The following ZNF804B variants were observed in gnomAD, a reference collection of about 807,000 sequenced individuals.
ZNF804B encodes zinc finger protein 804B, also known as zinc finger 804B.
A neutral mutation model predicts 101.4 loss-of-function variants in ZNF804B; 80 were observed. The ratio of observed to expected loss-of-function variants is 0.79; its 90% confidence interval spans 0.66 to 0.95. The LOEUF (loss-of-function observed/expected upper bound fraction) is 0.95, where lower values mean the gene tolerates loss of function less well. ZNF804B is among the 40% of genes least tolerant of loss of function. The pLI is 0.00. For synonymous variants in ZNF804B, 622 were observed against 558.8 expected, an observed-to-expected ratio of 1.11 and a Z score of -1.59; for missense variants, 1,673 against 1,561.9, an observed-to-expected ratio of 1.07 and a Z score of -1.20.
At chr7:89,129,316 A>G (rs1223798650) in intron 1 of ZNF804B, among the ~76,000 whole-genome samples, 1 of 152,084 alleles carries the variant, frequency 6.6e-6, no homozygotes, top group East Asian at 1.9e-4. Context: ...ATATATCATC[A>G]TATTTCCCTT....
In ZNF804B at chr7:88,998,299, G is replaced by C. The variant is rs181918551; in HGVS notation, c.109-219856G>C. 4.6e-5 allele frequency among the ~76,000 whole-genome samples: 7 copies of C among 152,152 alleles called. No individual in the cohort carries two copies. The East Asian group carries it at 1.4e-3, about 29-fold the overall frequency. Reference sequence around the variant, plus strand: ...ACTTTAAGGGAAGATATCTTAAACTGAGAGGGTTTGGAATAAAGTGGGGAA... The same window carrying C: ...ACTTTAAGGGAAGATATCTTAAACTCAGAGGGTTTGGAATAAAGTGGGGAA... On this transcript the variant is annotated intron_variant, in intron 1 of 3. Coordinates refer to ENST00000333190, the MANE Select transcript of ZNF804B (RefSeq NM_181646.5).
At chr7:88,878,353 A>T (rs997693642) in intron 1 of ZNF804B, among the ~76,000 whole-genome samples, 1 of 152,144 alleles carries the variant, frequency 6.6e-6, no homozygotes, top group African/African-American at 2.4e-5. Flanking sequence ...ATCACATTTT[A>T]AAAAATTTGG....
intron 1 of ZNF804B, among the ~76,000 whole-genome samples, chr7:88,902,393 C>A (rs1333273436): frequency 6.6e-6 from 1 of 152,072 alleles, no homozygotes; most frequent in Middle Eastern, 3.4e-3. Context: ...TACATTTGCT[C>A]ACTTTACAAA....
intron 2 of ZNF804B, among the ~76,000 whole-genome samples, chr7:89,230,006 CTT>C (rs1789164758): frequency 1.3e-5 from 2 of 151,770 alleles, no homozygotes; most frequent in Admixed American, 1.3e-4. Context: ...GAAAATATGT[CTT>C]AGTAAAATTT....
At chr7:89,007,662 A>G (rs1349940881) in intron 1 of ZNF804B, among the ~76,000 whole-genome samples, 1 of 147,360 alleles carries the variant, frequency 6.8e-6, no homozygotes, top group Non-Finnish European at 1.5e-5. Flanking sequence ...AAGTATTTAT[A>G]AAAAGCAGCT....
At chr7:88,813,141 T>C (rs1790816563) in intron 1 of ZNF804B, among the ~76,000 whole-genome samples, 1 of 152,112 alleles carries the variant, frequency 6.6e-6, no homozygotes, top group Non-Finnish European at 1.5e-5. Context: ...ATATAGAGTT[T>C]TAAAAACATG....
At chr7:89,063,627 A>G (rs1789408928) in intron 1 of ZNF804B, among the ~76,000 whole-genome samples, 1 of 152,204 alleles carries the variant, frequency 6.6e-6, no homozygotes, top group South Asian at 2.1e-4. Context: ...ATGAGAATGT[A>G]GAATAGCTTC....
At chr7:88,884,208 A>G in intron 1 of ZNF804B, among the ~76,000 whole-genome samples, 1 of 151,892 alleles carries the variant, frequency 6.6e-6, no homozygotes. Context: ...ATATTGATAA[A>G]TGTTATTAAT....
At chr7:89,242,754 A>G (rs1010788873) in intron 2 of ZNF804B, among the ~76,000 whole-genome samples, 4 of 151,904 alleles carry the variant, frequency 2.6e-5, no homozygotes, top group African/African-American at 9.7e-5. Context: ...ATAAAATTAC[A>G]TTTATTTCAT....
At chr7:88,862,238 A>G (rs184572050) in intron 1 of ZNF804B, among the ~76,000 whole-genome samples, 1 of 152,204 alleles carries the variant, frequency 6.6e-6, no homozygotes, top group East Asian at 1.9e-4. Context: ...AGTCCCTTGG[A>G]TCTTCATAAA....
intron 1 of ZNF804B, among the ~76,000 whole-genome samples, chr7:88,952,802 T>C (rs769483347): frequency 1.3e-5 from 2 of 151,766 alleles, no homozygotes; most frequent in Non-Finnish European, 2.9e-5. Flanking sequence ...AAGTTGGGTT[T>C]CTAAAGAATA....
intron 1 of ZNF804B, among the ~76,000 whole-genome samples, chr7:89,091,766 C>T (rs1336009948): frequency 2.6e-5 from 4 of 152,160 alleles, no homozygotes; most frequent in South Asian, 2.1e-4. Flanking sequence ...ATACTGAGGG[C>T]TTCCCTCCTG....
chr7:88,842,159 A>G lies in ZNF804B; in HGVS notation c.108+82075A>G, dbSNP rs572471367. Among the ~76,000 whole-genome samples, 11 of 152,066 alleles carry G rather than the reference A, an allele frequency of 7.2e-5. 1 individual carries two copies. Among genetic ancestry groups the G allele is most frequent in the Non-Finnish European group, 8.8e-5 (6 of 68,000 alleles). On this transcript the variant is annotated intron_variant, in intron 1 of 3. Transcript: ENST00000333190. ...TGGGGCAAATCAAATAAAAGTTTGTATTTTTTTCTGTCTGATTTTCCCTAA... is the reference window on the plus strand; with the variant it reads ...TGGGGCAAATCAAATAAAAGTTTGTGTTTTTTTCTGTCTGATTTTCCCTAA...
intron 1 of ZNF804B, among the ~76,000 whole-genome samples, chr7:89,107,472 A>G (rs1282217297): frequency 5.3e-5 from 8 of 152,146 alleles, no homozygotes; most frequent in African/African-American, 1.4e-4. Flanking sequence ...TAGCAAATCT[A>G]TGGGGATACT....
intron 1 of ZNF804B, among the ~76,000 whole-genome samples, chr7:89,088,216 A>C (rs1285878312): frequency 6.6e-6 from 1 of 151,988 alleles, no homozygotes; most frequent in Admixed American, 6.6e-5. Flanking sequence ...ACCTTGAGAA[A>C]TAAGGCCAAA....
chr7:88,946,930 G>GTC (rs1228351028), intron 1 of ZNF804B, among the ~76,000 whole-genome samples: 1 of 151,910 alleles, frequency 6.6e-6, no homozygotes, highest in African/African-American at 2.4e-5. Context: ...ATCATCACTT[G>GTC]TCATTAGAGA....
intron 2 of ZNF804B, among the ~76,000 whole-genome samples, chr7:89,265,046 A>G (rs1248431501): frequency 6.6e-6 from 1 of 152,188 alleles, no homozygotes; most frequent in Non-Finnish European, 1.5e-5. Flanking sequence ...AATTGGATCT[A>G]GAATGATAAA....
intron 1 of ZNF804B, among the ~76,000 whole-genome samples, chr7:89,052,294 T>G (rs1426777593): frequency 6.6e-6 from 1 of 151,972 alleles, no homozygotes; most frequent in Non-Finnish European, 1.5e-5. Context: ...TGTGCCACCA[T>G]TCCCAGCTAA....
chr7:89,190,869 T>C (rs1788446036), intron 1 of ZNF804B, among the ~76,000 whole-genome samples: 1 of 152,130 alleles, frequency 6.6e-6, no homozygotes, highest in Non-Finnish European at 1.5e-5. Flanking sequence ...AGCAATAAAA[T>C]ATTTTAAAAT....
Sources: allele counts gnomAD v4.1 joint callset (sites outside exome capture counted in the v4.1 genomes callset), GRCh38; gene constraint gnomAD v4.1.1; transcripts MANE v1.5; gene names NCBI Gene and HGNC (gene_info 2026-07-23, HGNC 2026-07-21).